The following EFHD1 variants were observed in gnomAD, a reference collection of about 807,000 sequenced individuals.
The protein encoded by EFHD1 is EF-hand domain family member D1.
A neutral mutation model predicts 17.2 loss-of-function variants in EFHD1; 10 were observed. That is an observed-to-expected ratio of 0.58 (90% CI 0.36 to 0.99). The LOEUF is 0.99. Among genes scored for constraint, EFHD1 ranks in the 50% least tolerant of loss-of-function variants. The probability of loss-of-function intolerance (pLI) is 0.01; values close to 1 mark genes in which losing one functional copy is unlikely to be tolerated. For missense variants in EFHD1, 310 were observed against 327.5 expected, an observed-to-expected ratio of 0.95 and a Z score of 0.41; for synonymous variants, 153 against 142.0, an observed-to-expected ratio of 1.08 and a Z score of -0.55.
intron 1 of EFHD1, 26 bp downstream of exon 1, chr2:232,634,032 C>T (rs368439739): frequency 1.8e-5 from 29 of 1,595,182 alleles, no homozygotes; most frequent in Non-Finnish European, 2.4e-5. Context: ...GCGCCCTTCG[C>T]CCCCGGGACC....
Position 232,622,283 on chromosome 2 carries a change from C to A in EFHD1, c.14+16110C>A, listed in dbSNP as rs546315741. On this transcript the variant is annotated intron_variant, in intron 1 of 3. Transcript: ENST00000409613. ...AGGAGTTCGAGACCAGCCTGGCCAACATGGTGAAACCCCGACCCTATTAAA... is the reference window on the plus strand; with the variant it reads ...AGGAGTTCGAGACCAGCCTGGCCAAAATGGTGAAACCCCGACCCTATTAAA... Among the ~76,000 whole-genome samples the A allele has an allele frequency of 2.8e-4, 42 of 152,314 alleles. No individual in the cohort carries two copies. The South Asian group carries it at 7.9e-3, about 29-fold the overall frequency.
At chr2:232,644,476 G>T (rs1694489421) in intron 1 of EFHD1, among the ~76,000 whole-genome samples, 2 of 151,628 alleles carry the variant, frequency 1.3e-5, no homozygotes, top group South Asian at 2.1e-4. Flanking sequence ...TGTGTGTTGG[G>T]GGGTGTTCAG....
At chr2:232,664,683 G>A (rs1185635395) in intron 2 of EFHD1, among the ~76,000 whole-genome samples, 2 of 139,858 alleles carry the variant, frequency 1.4e-5, no homozygotes, top group Non-Finnish European at 3.0e-5. Flanking sequence ...GTGTGATCTC[G>A]GCTCACTACA....
Position 232,654,416 on chromosome 2 carries a change from C to CTTTTT in EFHD1, c.303-8368_303-8364dup, listed in dbSNP as rs539954632. Among the ~76,000 whole-genome samples the CTTTTT allele has an allele frequency of 2.8e-3, 262 of 94,596 alleles. 4 individuals carry two copies. The highest frequency in any genetic ancestry group is 3.8e-3 in the African/African-American group (92 of 24,406). 62.1% of individuals were successfully genotyped at this position (94,596 alleles called of 152,430 possible). ...AGGATGACTTTTCTTTTCTTTCTTT[C>CTTTTT]TTTTTTTTTTTTTTTTTTTTTTGAG... On this transcript the variant is annotated intron_variant, in intron 1 of 3. Coordinates refer to ENST00000264059, the MANE Select transcript of EFHD1 (RefSeq NM_025202.4).
chr2:232,606,322 G>T, intron 1 of EFHD1: 1 of 973,820 alleles, frequency 1.0e-6, no homozygotes, highest in Non-Finnish European at 1.6e-6. Flanking sequence ...TCCCTGCCCC[G>T]CGCACGGTCT....
intron 3 of EFHD1, among the ~76,000 whole-genome samples, chr2:232,679,964 A>G (rs1223920060): frequency 6.6e-6 from 1 of 152,062 alleles, no homozygotes; most frequent in African/African-American, 2.4e-5. Context: ...AGAGCAATTT[A>G]ATAGTCTATT....
At chr2:232,658,908 T>C (rs781402649) in intron 1 of EFHD1, among the ~76,000 whole-genome samples, 25 of 152,128 alleles carry the variant, frequency 1.6e-4, no homozygotes, top group Non-Finnish European at 3.2e-4. Context: ...TATATCTCAG[T>C]AAAGCTGTTT....
At chr2:232,645,884 T>C (rs1057040305) in intron 1 of EFHD1, among the ~76,000 whole-genome samples, 14 of 152,218 alleles carry the variant, frequency 9.2e-5, no homozygotes, top group Middle Eastern at 3.2e-3. Flanking sequence ...GCCTGCACTC[T>C]TGTCCAGTGT....
At chr2:232,668,588 G>A (rs1310158945) in intron 2 of EFHD1, among the ~76,000 whole-genome samples, 1 of 152,108 alleles carries the variant, frequency 6.6e-6, no homozygotes, top group African/African-American at 2.4e-5. Context: ...CTGGCTGGGG[G>A]TGGTGCTCTG....
chr2:232,624,994 T>C (rs1479463015), intron 1 of EFHD1, among the ~76,000 whole-genome samples: 1 of 152,202 alleles, frequency 6.6e-6, no homozygotes, highest in Non-Finnish European at 1.5e-5. Context: ...TAGATGCTTT[T>C]CTGACTTATT....
chr2:232,635,557 G>C (rs902394064), intron 1 of EFHD1, among the ~76,000 whole-genome samples: 1 of 152,158 alleles, frequency 6.6e-6, no homozygotes, highest in Admixed American at 6.6e-5. Flanking sequence ...AGTGGCTTAC[G>C]GCTGTAATCC....
intron 1 of EFHD1, among the ~76,000 whole-genome samples, chr2:232,659,650 T>C (rs1694821716): frequency 6.6e-6 from 1 of 152,184 alleles, no homozygotes; most frequent in Non-Finnish European, 1.5e-5. Flanking sequence ...TAATGGTGGG[T>C]TTTTGTTACT....
chr2:232,611,007 T>C (rs1167837532), intron 1 of EFHD1: 1 of 152,046 alleles, frequency 6.6e-6, no homozygotes, highest in Non-Finnish European at 1.5e-5. Context: ...TGAGACCTCA[T>C]CTCTACAAAT....
rs372664876 is a variant in EFHD1 at position 232,672,329 on chromosome 2, G to C, written c.471G>C (p.Lys157Asn). The change falls in exon 3 of 4, where the codon AAG (lysine) becomes AAC (asparagine). Residue 157 changes from lysine to asparagine, a missense_variant. Physicochemically the swap from Lys to Asn is moderately conservative, Grantham distance 94 (BLOSUM62 0). Transcript: ENST00000264059. Reference sequence around the variant, plus strand: ...TGTAGTTCCTGCTCATTTTCCACAAGGCCGCGGCAGGGGAGCTGCAGGAGG... The same window carrying C: ...TGTAGTTCCTGCTCATTTTCCACAACGCCGCGGCAGGGGAGCTGCAGGAGG... ...SFREFLLIFH[K>N]AAAGELQEDS... 2 of 1,614,048 alleles carry C rather than the reference G, an allele frequency of 1.2e-6. No individual in the cohort carries two copies. The highest frequency in any genetic ancestry group is 1.7e-6 in the Non-Finnish European group (2 of 1,180,036).
At chr2:232,662,973 G>A (rs759590701) in intron 2 of EFHD1, 24 bp downstream of exon 2, 1 of 1,553,060 alleles carries the variant, frequency 6.4e-7, no homozygotes, top group Non-Finnish European at 8.6e-7. Flanking sequence ...GTGGCCCTGA[G>A]CCCCTGTGGG....
intron 2 of EFHD1, 44 bp downstream of exon 2, chr2:232,662,993 A>T (rs1360668815): frequency 7.9e-6 from 12 of 1,512,758 alleles, no homozygotes; most frequent in Non-Finnish European, 1.1e-5. Context: ...GGTGCCCCTG[A>T]GAGGACCTTC....
chr2:232,635,252 C>G (rs1412472304), intron 1 of EFHD1, among the ~76,000 whole-genome samples: 1 of 152,240 alleles, frequency 6.6e-6, no homozygotes, highest in Non-Finnish European at 1.5e-5. Context: ...TGGGGTAATG[C>G]CTTTCATGGG....
At chr2:232,641,069 G>A (rs546798967) in intron 1 of EFHD1, among the ~76,000 whole-genome samples, 8 of 152,178 alleles carry the variant, frequency 5.3e-5, no homozygotes, top group Admixed American at 2.0e-4. Context: ...TTGAAACAGG[G>A]TCTCTCTCTG....
At chr2:232,644,262 C>A (rs1694484650) in intron 1 of EFHD1, among the ~76,000 whole-genome samples, 2 of 152,078 alleles carry the variant, frequency 1.3e-5, no homozygotes, top group Non-Finnish European at 2.9e-5. Context: ...CTCCCCAGAC[C>A]CCCTCCCCAA....
Sources: gnomAD v4.1 joint callset for allele counts (sites outside exome capture counted in the v4.1 genomes callset) on GRCh38, gnomAD v4.1.1 for gene constraint, MANE v1.5 for transcripts, NCBI Gene and HGNC (gene_info 2026-07-23, HGNC 2026-07-21) for gene names.